Variants in COX7B2 observed in about 807,000 individuals in gnomAD.
The protein encoded by COX7B2 is cytochrome c oxidase subunit 7B2.
For synonymous variants in COX7B2, 37 were observed against 32.1 expected (o/e 1.15, Z -0.51); for missense variants, 109 against 95.9 (o/e 1.14, Z -0.57).
At chr4:46,831,011 G>A (rs961199718) in intron 2 of COX7B2, among the ~76,000 whole-genome samples, 1 of 152,192 alleles carries the variant, frequency 6.6e-6, no homozygotes, top group Non-Finnish European at 1.5e-5. Flanking sequence ...GGCCAGAGCC[G>A]GCTCCCTCAG....
At chr4:46,893,114 G>T (rs1422944416) in intron 1 of COX7B2, among the ~76,000 whole-genome samples, 1 of 152,106 alleles carries the variant, frequency 6.6e-6, no homozygotes, top group Non-Finnish European at 1.5e-5. Flanking sequence ...AGTAGCATGA[G>T]AACAGACTAA....
chr4:46,755,769 C>G (rs948552992), intron 2 of COX7B2, among the ~76,000 whole-genome samples: 1 of 151,874 alleles, frequency 6.6e-6, no homozygotes, highest in East Asian at 1.9e-4. Context: ...GGTGAAAGAT[C>G]TCTATAAGGA....
chr4:46,776,006 T>C (rs1054907799), intron 2 of COX7B2, among the ~76,000 whole-genome samples: 4 of 152,202 alleles, frequency 2.6e-5, no homozygotes, highest in Non-Finnish European at 4.4e-5. Context: ...CTGAAGAATA[T>C]TTATCTAAAG....
At chr4:46,880,581 A>G (rs1718652539) in intron 1 of COX7B2, among the ~76,000 whole-genome samples, 1 of 151,780 alleles carries the variant, frequency 6.6e-6, no homozygotes, top group South Asian at 2.1e-4. Flanking sequence ...TGTGTACATA[A>G]GGTGTTCGTA....
chr4:46,845,355 G>A (rs1560416227), intron 1 of COX7B2, among the ~76,000 whole-genome samples: 1 of 151,762 alleles, frequency 6.6e-6, no homozygotes, highest in Non-Finnish European at 1.5e-5. Context: ...CAAATGGAAG[G>A]TTCTGGCCAA....
intron 1 of COX7B2, among the ~76,000 whole-genome samples, chr4:46,858,576 G>C (rs1278876300): frequency 6.6e-6 from 1 of 152,176 alleles, no homozygotes; most frequent in Non-Finnish European, 1.5e-5. Flanking sequence ...AGTTATACCT[G>C]ACCTAATTAT....
chr4:46,738,333 A>G (rs1048427771), intron 2 of COX7B2, among the ~76,000 whole-genome samples: 10 of 152,106 alleles, frequency 6.6e-5, no homozygotes, highest in African/African-American at 2.2e-4. Context: ...GGCTATTCCC[A>G]TATCTATAAA....
intron 2 of COX7B2, among the ~76,000 whole-genome samples, chr4:46,763,166 A>G (rs907947707): frequency 2.5e-5 from 3 of 120,758 alleles, no homozygotes; most frequent in Non-Finnish European, 5.1e-5. Context: ...TATATTTACA[A>G]TATATATTTA....
chr4:46,905,152 G>GT (rs386399993), intron 1 of COX7B2, among the ~76,000 whole-genome samples: 36,933 of 147,890 alleles, frequency 0.25, 4,630 homozygotes, highest in East Asian at 0.29. Context: ...TATTATACAA[G>GT]TTTTTTTTTT....
intron 1 of COX7B2, among the ~76,000 whole-genome samples, chr4:46,848,158 A>G (rs934099735): frequency 2.0e-5 from 3 of 152,060 alleles, no homozygotes; most frequent in African/African-American, 4.8e-5. Flanking sequence ...CTAAGACCCA[A>G]TTAGTGTCAG....
At chr4:46,862,438 T>C (rs1254456070) in intron 1 of COX7B2, among the ~76,000 whole-genome samples, 3 of 152,224 alleles carry the variant, frequency 2.0e-5, no homozygotes, top group Admixed American at 6.5e-5. Flanking sequence ...CATATTTAGA[T>C]ATGTTTATGT....
intron 2 of COX7B2, among the ~76,000 whole-genome samples, chr4:46,789,059 A>G (rs1717899512): frequency 6.6e-6 from 1 of 152,162 alleles, no homozygotes; most frequent in Admixed American, 6.5e-5. Context: ...CTTCACAAAC[A>G]TGGGCAATTT....
intron 1 of COX7B2, among the ~76,000 whole-genome samples, chr4:46,859,051 G>A (rs1717187387): frequency 6.6e-6 from 1 of 152,138 alleles, no homozygotes; most frequent in African/African-American, 2.4e-5. Flanking sequence ...CAGAGATAAT[G>A]TGTTGTTCTT....
chr4:46,775,629 T>C (rs1366439736), intron 2 of COX7B2, among the ~76,000 whole-genome samples: 3 of 152,070 alleles, frequency 2.0e-5, no homozygotes, highest in Non-Finnish European at 4.4e-5. Flanking sequence ...CTCCACAATA[T>C]AAAACCTATT....
At chr4:46,786,796 CT>C (rs1238191859) in intron 2 of COX7B2, among the ~76,000 whole-genome samples, 1 of 152,138 alleles carries the variant, frequency 6.6e-6, no homozygotes, top group East Asian at 1.9e-4. Flanking sequence ...AAAAAGATGC[CT>C]GTAGGTTTCT....
rs572750289 is a variant in COX7B2 at position 46,892,238 on chromosome 4, G to T, written c.-105+16922C>A. Among the ~76,000 whole-genome samples the T allele has an allele frequency of 6.6e-5, 10 of 152,274 alleles. 1 individual carries two copies. In the South Asian group the frequency reaches 2.1e-3, roughly 32 times the overall value. On this transcript the variant is annotated intron_variant, in intron 1 of 2. Transcript: ENST00000355591. ...ATTATGGTATAGACTAAAAAGAAAAGAAAAGCAATATTACACTAATTGTTT... is the reference window on the plus strand; with the variant it reads ...ATTATGGTATAGACTAAAAAGAAAATAAAAGCAATATTACACTAATTGTTT...
chr4:46,802,618 C>T (rs971853470), intron 2 of COX7B2, among the ~76,000 whole-genome samples: 6 of 152,084 alleles, frequency 3.9e-5, no homozygotes, highest in Non-Finnish European at 8.8e-5. Flanking sequence ...AATGACAGTA[C>T]TGCAATCTAC....
At chr4:46,858,283 G>T (rs527814354) in intron 1 of COX7B2, among the ~76,000 whole-genome samples, 13 of 152,010 alleles carry the variant, frequency 8.6e-5, no homozygotes, top group Admixed American at 2.6e-4. Flanking sequence ...TAGTAGAGAT[G>T]GGGGGGTTCG....
chr4:46,829,235 T>G (rs1714908618), intron 2 of COX7B2, among the ~76,000 whole-genome samples: 1 of 152,166 alleles, frequency 6.6e-6, no homozygotes, highest in South Asian at 2.1e-4. Context: ...ATGTAAAGAA[T>G]CATGAGTCAG....
Sources: gnomAD v4.1 joint callset for allele counts (sites outside exome capture counted in the v4.1 genomes callset) on GRCh38, gnomAD v4.1.1 for gene constraint, MANE v1.5 for transcripts, NCBI Gene and HGNC (gene_info 2026-07-23, HGNC 2026-07-21) for gene names.